The following SDK1 variants were observed in gnomAD, a reference collection of about 807,000 sequenced individuals.
SDK1 encodes sidekick cell adhesion molecule 1.
A neutral mutation model predicts 245.5 loss-of-function variants in SDK1; 157 were observed. The observed-to-expected ratio is 0.64, with a 90% CI of 0.56 to 0.73. SDK1 has a LOEUF of 0.73. SDK1 is among the 30% of genes least tolerant of loss of function. The pLI is 0.00. For missense variants in SDK1, 3,583 were observed against 3,002.3 expected, an observed-to-expected ratio of 1.19 and a Z score of -4.52; for synonymous variants, 1,647 against 1,278.5, an observed-to-expected ratio of 1.29 and a Z score of -6.15.
At chr7:3,672,757 TTTTATATATATATATA>T (rs1200906115) in intron 4 of SDK1, among the ~76,000 whole-genome samples, 3 of 24,470 alleles carry the variant, frequency 1.2e-4, no homozygotes, top group Admixed American at 7.4e-4. Context: ...TAATATATAA[TTTTATATATATATATA>T]TATATATATA....
intron 1 of SDK1, among the ~76,000 whole-genome samples, chr7:3,602,183 G>C (rs1781275125): frequency 6.6e-6 from 1 of 151,802 alleles, no homozygotes; most frequent in Non-Finnish European, 1.5e-5. Context: ...AATCCTTTGG[G>C]TATATACCCA....
chr7:4,250,100 C>T (rs898893141), intron 44 of SDK1, among the ~76,000 whole-genome samples: 9 of 152,224 alleles, frequency 5.9e-5, no homozygotes, highest in Admixed American at 1.3e-4. Context: ...CTTTCTACCT[C>T]TCTAGGTGTG....
At chr7:4,047,993 A>G (rs1329154366) in intron 17 of SDK1, among the ~76,000 whole-genome samples, 1 of 152,170 alleles carries the variant, frequency 6.6e-6, no homozygotes, top group Non-Finnish European at 1.5e-5. Flanking sequence ...CATCACAGCC[A>G]TGACCAGCAG....
intron 17 of SDK1, among the ~76,000 whole-genome samples, chr7:4,040,330 C>T (rs1788528832): frequency 6.6e-6 from 1 of 152,182 alleles, no homozygotes; most frequent in Non-Finnish European, 1.5e-5. Context: ...TCTGAGTGTG[C>T]TCAGAGTCTG....
At chr7:3,722,824 G>A (rs1778861815) in intron 4 of SDK1, among the ~76,000 whole-genome samples, 1 of 152,136 alleles carries the variant, frequency 6.6e-6, no homozygotes, top group South Asian at 2.1e-4. Flanking sequence ...TGGGCTTTCT[G>A]GCTCACAGGG....
intron 35 of SDK1, among the ~76,000 whole-genome samples, chr7:4,201,999 C>T (rs990646334): frequency 1.3e-5 from 2 of 152,186 alleles, no homozygotes; most frequent in Non-Finnish European, 2.9e-5. Flanking sequence ...TTTCTCCTTC[C>T]ATCTCTATAG....
chr7:3,967,466 G>C (rs773673524), intron 10 of SDK1, 32 bp downstream of exon 10: 12 of 1,349,726 alleles, frequency 8.9e-6, no homozygotes, highest in Non-Finnish European at 1.3e-5. Flanking sequence ...CAACAGCATG[G>C]CCCATGTAGA....
chr7:3,922,280 G>T (rs1369013103), intron 5 of SDK1, among the ~76,000 whole-genome samples: 1 of 152,200 alleles, frequency 6.6e-6, no homozygotes, highest in African/African-American at 2.4e-5. Flanking sequence ...GCAGGATTCA[G>T]TCGGGATGTG....
chr7:3,970,317 C>T (rs1018554433), intron 11 of SDK1, among the ~76,000 whole-genome samples: 2 of 152,198 alleles, frequency 1.3e-5, no homozygotes, highest in Middle Eastern at 3.4e-3. Flanking sequence ...GGTTGGTGTC[C>T]ACTTTGATAA....
At chr7:3,945,724 C>G (rs1358428589) in intron 5 of SDK1, among the ~76,000 whole-genome samples, 1 of 151,236 alleles carries the variant, frequency 6.6e-6, no homozygotes, top group African/African-American at 2.4e-5. Context: ...ATGGTGAAAC[C>G]CTGTCTCTAC....
At chr7:3,803,021 T>C (rs1779144989) in intron 4 of SDK1, among the ~76,000 whole-genome samples, 1 of 152,204 alleles carries the variant, frequency 6.6e-6, no homozygotes, top group Admixed American at 6.5e-5. Flanking sequence ...TGTAAGTATA[T>C]GTTTGGCTTT....
intron 38 of SDK1, among the ~76,000 whole-genome samples, chr7:4,213,079 G>C (rs1411068481): frequency 6.6e-6 from 1 of 152,168 alleles, no homozygotes. Context: ...AAGAGATCGA[G>C]ACCATCCTGG....
intron 5 of SDK1, among the ~76,000 whole-genome samples, chr7:3,857,298 AAG>A (rs1236176672): frequency 6.6e-6 from 1 of 152,178 alleles, no homozygotes; most frequent in Non-Finnish European, 1.5e-5. Flanking sequence ...GAGGAGGAGA[AAG>A]GGGAAAAAGA....
chr7:3,785,494 G>C (rs1013320369), intron 4 of SDK1, among the ~76,000 whole-genome samples: 1 of 152,136 alleles, frequency 6.6e-6, no homozygotes, highest in East Asian at 1.9e-4. Context: ...CAATTAAAAA[G>C]TATTTTCAAA....
chr7:3,810,952 G>A (rs111752176), intron 4 of SDK1, among the ~76,000 whole-genome samples: 1,741 of 152,296 alleles, frequency 0.011, 46 homozygotes, highest in African/African-American at 0.039. Flanking sequence ...TGACTCTAAT[G>A]TGATAATTCA....
intron 4 of SDK1, among the ~76,000 whole-genome samples, chr7:3,764,042 G>A (rs376509456): frequency 6.6e-6 from 1 of 152,108 alleles, no homozygotes; most frequent in Non-Finnish European, 1.5e-5. Context: ...CTTGGTATGG[G>A]GATTTGTGGA....
chr7:3,568,882 CAG>C (rs1446574099), intron 1 of SDK1, among the ~76,000 whole-genome samples: 2 of 152,048 alleles, frequency 1.3e-5, no homozygotes, highest in Non-Finnish European at 1.5e-5. Flanking sequence ...TGCTAATAGA[CAG>C]AAAATATTTT....
rs147753588 is a variant in SDK1, at chr7:4,244,356, G to A, written c.6252-1320G>A. Among the ~76,000 whole-genome samples, 277 of 152,324 alleles carry A rather than the reference G, an allele frequency of 1.8e-3. 2 individuals carry two copies. The highest frequency in any genetic ancestry group is 2.3e-3 in the Non-Finnish European group (157 of 68,030). ...GGTCCCTTTGAGCACACAGCTGCCT[G>A]TCTGACTGCCCACAGGCTGCTCTCA... On this transcript the variant is annotated intron_variant, in intron 43 of 44. Transcript: ENST00000404826.
intron 5 of SDK1, among the ~76,000 whole-genome samples, chr7:3,907,923 A>G (rs1779011965): frequency 6.6e-6 from 1 of 152,094 alleles, no homozygotes; most frequent in South Asian, 2.1e-4. Flanking sequence ...TTGTGTGTGT[A>G]TTGTTTACTT....
Sources: gnomAD v4.1 joint callset for allele counts (sites outside exome capture counted in the v4.1 genomes callset) on GRCh38, gnomAD v4.1.1 for gene constraint, MANE v1.5 for transcripts, NCBI Gene and HGNC (gene_info 2026-07-23, HGNC 2026-07-21) for gene names.